IQSEC1: variants seen among roughly 807,000 people sequenced by gnomAD.
The protein encoded by IQSEC1 is IQ motif and Sec7 domain ArfGEF 1.
A neutral mutation model predicts 91.0 loss-of-function variants in IQSEC1; 31 were observed. The observed-to-expected ratio is 0.34, with a 90% CI of 0.26 to 0.46. The LOEUF (loss-of-function observed/expected upper bound fraction) is 0.46. Ranked by LOEUF, IQSEC1 falls within the 20% of genes least tolerant of loss-of-function variation. The pLI is 1.00. For synonymous variants in IQSEC1, 699 were observed against 662.6 expected, an observed-to-expected ratio of 1.05 and a Z score of -0.84; for missense variants, 1,388 against 1,575.6, an observed-to-expected ratio of 0.88 and a Z score of 2.02.
At chr3:13,018,121 T>G (rs1162405923) in intron 1 of IQSEC1, among the ~76,000 whole-genome samples, 2 of 152,168 alleles carry the variant, frequency 1.3e-5, no homozygotes, top group Admixed American at 1.3e-4. Context: ...GGAAGGATGG[T>G]GCCAGTTCCA....
intron 2 of IQSEC1, among the ~76,000 whole-genome samples, chr3:13,122,781 T>C (rs1235657194): frequency 6.6e-6 from 1 of 152,198 alleles, no homozygotes; most frequent in Non-Finnish European, 1.5e-5. Context: ...GATTACTGGA[T>C]ATGCCAGGAT....
intron 2 of IQSEC1, among the ~76,000 whole-genome samples, chr3:13,114,715 C>A (rs1272476513): frequency 6.8e-6 from 1 of 148,110 alleles, no homozygotes; most frequent in Non-Finnish European, 1.5e-5. Flanking sequence ...ATCACTTGAA[C>A]ACAGAAAGTG....
At chr3:13,084,961 CGGGGT>C (rs1553564195) in intron 2 of IQSEC1, among the ~76,000 whole-genome samples, 1 of 64,352 alleles carries the variant, frequency 1.6e-5, no homozygotes, top group Non-Finnish European at 2.9e-5. Flanking sequence ...GAAACAGCCT[CGGGGT>C]GGGGTGGGGG....
At chr3:13,208,133 AT>A (rs373616079) in intron 1 of IQSEC1, among the ~76,000 whole-genome samples, 331 of 150,946 alleles carry the variant, frequency 2.2e-3, no homozygotes, top group African/African-American at 6.4e-3. Flanking sequence ...GGCCAGACAG[AT>A]GGAGCAAAAC....
At chr3:12,934,090 C>T (rs1026986346) in intron 3 of IQSEC1, among the ~76,000 whole-genome samples, 3 of 152,184 alleles carry the variant, frequency 2.0e-5, no homozygotes, top group African/African-American at 7.2e-5. Flanking sequence ...CTTCAGGGAC[C>T]GTGTCAGGTG....
intron 2 of IQSEC1, among the ~76,000 whole-genome samples, chr3:13,106,515 G>C (rs1706154438): frequency 6.6e-6 from 1 of 152,194 alleles, no homozygotes; most frequent in Non-Finnish European, 1.5e-5. Context: ...GGGAACCTGA[G>C]GCCAAGTGAC....
rs758049048 is a variant in IQSEC1, at chr3:13,193,019, G to A, written c.273-28886C>T. On this transcript the variant is annotated intron_variant, in intron 1 of 15. Transcript: ENST00000648114. This position sits in a 1 kb window ranked among gnomAD's most constrained non-coding sequence, Gnocchi z 4.2. ...CAGGGGCCATCTCTGGGCAGTGGGC[G>A]AAGGTCCAGTCCTGGCCATGTAGCT... 1.3e-5 allele frequency among the ~76,000 whole-genome samples: 2 copies of A among 152,238 alleles called. No homozygotes were observed. Among genetic ancestry groups the A allele is most frequent in the African/African-American group, 2.4e-5 (1 of 41,452 alleles).
chr3:12,956,909 G>A (rs980953843), intron 1 of IQSEC1, among the ~76,000 whole-genome samples: 3 of 152,212 alleles, frequency 2.0e-5, no homozygotes, highest in South Asian at 2.1e-4. Context: ...CAACGGGAGC[G>A]TGGGAATCGA....
In IQSEC1 at chr3:12,967,747, G is replaced by A. The variant is rs888851400; in HGVS notation, c.24-25882C>T. 13 of 1,036,104 alleles carry A rather than the reference G, an allele frequency of 1.3e-5. No homozygotes were observed. Among genetic ancestry groups the A allele is most frequent in the Non-Finnish European group, 1.5e-5 (13 of 860,846 alleles). 64.2% of individuals were successfully genotyped at this position (1,036,104 alleles called of 1,614,324 possible). On this transcript the variant is annotated intron_variant, in intron 1 of 13. Coordinates refer to ENST00000613206, the MANE Select transcript of IQSEC1 (RefSeq NM_001134382.3). The surrounding 1 kb of genome is among the most constrained non-coding windows in gnomAD (Gnocchi z 5.9). ...CCCTGAAGTGGGCGGGGCAGGGCGG[G>A]GGCGGGGCCGGAGGGCGAGCTGGGG...
Position 12,900,532 on chromosome 3 carries a change from T to TTATTTTTTTGCCCATTGTCAATAAAAGAG in IQSEC1, c.*422_*450dup. ...TTTTCATCAACCATATCAGGTCTACTTATTTTTTTGCCCATTGTCAATAAA... is the reference window on the plus strand; with the variant it reads ...TTTTCATCAACCATATCAGGTCTACTTATTTTTTTGCCCATTGTCAATAAAAGAGTATTTTTTTGCCCATTGTCAATAAA... On this transcript the variant is annotated 3_prime_UTR_variant, in exon 14 of 14. Transcript: ENST00000613206. The TTATTTTTTTGCCCATTGTCAATAAAAGAG allele has an allele frequency of 1.0e-6, 1 of 964,054 alleles. No individual in the cohort carries two copies. Among genetic ancestry groups the TTATTTTTTTGCCCATTGTCAATAAAAGAG allele is most frequent in the Non-Finnish European group, 1.2e-6 (1 of 809,962 alleles). The allele number at this position is 964,054 out of a possible 1,614,324, so 59.7% of individuals were successfully genotyped here.
intron 1 of IQSEC1, among the ~76,000 whole-genome samples, chr3:13,049,347 A>G (rs1704607093): frequency 6.6e-6 from 1 of 152,246 alleles, no homozygotes; most frequent in Non-Finnish European, 1.5e-5. Context: ...TGCCACAGCC[A>G]TAGAGATTCA....
intron 2 of IQSEC1, among the ~76,000 whole-genome samples, chr3:13,102,189 GA>G (rs752564674): frequency 7.2e-5 from 11 of 152,110 alleles, no homozygotes; most frequent in Non-Finnish European, 1.6e-4. Flanking sequence ...GAGGTGGAAG[GA>G]TTGCTTGAGC....
chr3:13,088,260 G>C (rs1429971808), intron 2 of IQSEC1, among the ~76,000 whole-genome samples: 1 of 152,208 alleles, frequency 6.6e-6, no homozygotes, highest in African/African-American at 2.4e-5. Flanking sequence ...AAAGTGGAGG[G>C]GGAAGAGGAA....
chr3:12,927,272 G>T (rs1454958614), intron 3 of IQSEC1, among the ~76,000 whole-genome samples: 1 of 152,188 alleles, frequency 6.6e-6, no homozygotes, highest in Non-Finnish European at 1.5e-5. Context: ...AAAAAATCTG[G>T]ATTTCTGGCT....
chr3:13,150,825 C>T (rs991879877), intron 2 of IQSEC1, among the ~76,000 whole-genome samples: 1 of 152,212 alleles, frequency 6.6e-6, no homozygotes. Flanking sequence ...TGCTGTACTG[C>T]GTAAGACAGG....
intron 1 of IQSEC1, among the ~76,000 whole-genome samples, chr3:13,263,844 C>T (rs1262022240): frequency 2.6e-5 from 4 of 152,104 alleles, no homozygotes; most frequent in African/African-American, 9.7e-5. Flanking sequence ...CCGGGCTGGG[C>T]GCACGCTTGC....
At chr3:13,194,420 CCT>C (rs1209085276) in intron 1 of IQSEC1, among the ~76,000 whole-genome samples, 2 of 152,130 alleles carry the variant, frequency 1.3e-5, no homozygotes, top group South Asian at 2.1e-4. Context: ...CCGCCTGTCC[CCT>C]GTCCCTCAGG....
chr3:13,098,206 C>T (rs573013231), intron 2 of IQSEC1, among the ~76,000 whole-genome samples: 2 of 152,320 alleles, frequency 1.3e-5, no homozygotes, highest in South Asian at 4.1e-4. Flanking sequence ...TGGAGGCTGA[C>T]GGCACAGCAG....
At position 13,178,926 on chromosome 3, in the gene IQSEC1, G is replaced by A. The variant is rs182062632; in HGVS notation, c.273-14793C>T. 2.7e-3 allele frequency among the ~76,000 whole-genome samples: 412 copies of A among 152,124 alleles called. 1 individual carries two copies. The highest frequency in any genetic ancestry group is 8.2e-3 in the African/African-American group (339 of 41,500). On this transcript the variant is annotated intron_variant, in intron 1 of 15. Transcript: ENST00000648114. Reference sequence around the variant, plus strand: ...AATTCCTTCCTCAGGAAACACCTTCGGTCATCCCAAAAAAGTATCAAAGAA... The same window carrying A: ...AATTCCTTCCTCAGGAAACACCTTCAGTCATCCCAAAAAAGTATCAAAGAA...
Sources: gnomAD v4.1 joint callset for allele counts (sites outside exome capture counted in the v4.1 genomes callset) on GRCh38, gnomAD v4.1.1 for gene constraint, Gnocchi (gnomAD v3.1) non-coding constraint, MANE v1.5 for transcripts, NCBI Gene and HGNC (gene_info 2026-07-23, HGNC 2026-07-21) for gene names.